EPHA3: variants seen among roughly 807,000 people sequenced by gnomAD.
The protein encoded by EPHA3 is ephrin type-A receptor 3.
In EPHA3, 42 loss-of-function variants were observed where a neutral mutation model predicts 107.1. That is an observed-to-expected ratio of 0.39 (90% CI 0.31 to 0.51). The LOEUF is 0.51. Among genes scored for constraint, EPHA3 ranks in the 20% least tolerant of loss-of-function variants. The probability of loss-of-function intolerance (pLI) is 0.78; values close to 1 mark genes in which losing one functional copy is unlikely to be tolerated. For synonymous variants in EPHA3, 461 were observed against 424.8 expected (o/e 1.09, Z -1.05); for missense variants, 1,183 against 1,211.2 (o/e 0.98, Z 0.35).
intron 2 of EPHA3, among the ~76,000 whole-genome samples, chr3:89,156,639 T>G (rs1402361131): frequency 2.0e-5 from 3 of 152,032 alleles, no homozygotes; most frequent in Non-Finnish European, 4.4e-5. Flanking sequence ...TTTTCTTTAC[T>G]TTGTGAAAAT....
At chr3:89,345,285 G>A (rs571884406) in intron 5 of EPHA3, among the ~76,000 whole-genome samples, 1 of 151,310 alleles carries the variant, frequency 6.6e-6, no homozygotes, top group South Asian at 2.1e-4. Context: ...TGATATCTGA[G>A]AAGCTTTTTC....
chr3:89,126,718 A>G (rs1704104417), intron 1 of EPHA3, among the ~76,000 whole-genome samples: 1 of 151,762 alleles, frequency 6.6e-6, no homozygotes, highest in South Asian at 2.1e-4. Flanking sequence ...ATTGCAGAAT[A>G]ATATGTTGAG....
Position 89,419,397 on chromosome 3 carries a change from A to G in EPHA3, c.2074+7A>G. The stretch of plus-strand genomic sequence containing the variant: ...GAAGGAGTTGTTACCAAAAGTAAGT[A>G]AAGTAGTCATAAGACCTGTGTTTCC... On this transcript the variant is annotated splice_region_variant and intron_variant, in intron 11 of 16. Transcript: ENST00000336596. 1 of 1,581,448 alleles carries G rather than the reference A, an allele frequency of 6.3e-7. No homozygotes were observed. The highest frequency in any genetic ancestry group is 8.6e-7 in the Non-Finnish European group (1 of 1,164,902).
chr3:89,470,109 C>A, intron 15 of EPHA3, among the ~76,000 whole-genome samples: 1 of 143,648 alleles, frequency 7.0e-6, no homozygotes, highest in African/African-American at 2.5e-5. Context: ...TATTTTATTA[C>A]AATAATGAAA....
intron 3 of EPHA3, among the ~76,000 whole-genome samples, chr3:89,261,192 T>A (rs766874988): frequency 6.6e-6 from 1 of 152,240 alleles, no homozygotes; most frequent in African/African-American, 2.4e-5. Context: ...AAAATTATTT[T>A]ATATTCTTCA....
At chr3:89,438,354 G>A (rs1411018720) in intron 13 of EPHA3, among the ~76,000 whole-genome samples, 8 of 151,804 alleles carry the variant, frequency 5.3e-5, no homozygotes, top group East Asian at 1.9e-4. Flanking sequence ...CTCGTGATCC[G>A]CCAGCCTCGG....
chr3:89,410,367 C>A (rs1256049439), intron 9 of EPHA3, among the ~76,000 whole-genome samples: 1 of 151,880 alleles, frequency 6.6e-6, no homozygotes, highest in Non-Finnish European at 1.5e-5. Flanking sequence ...ATCTAAATCA[C>A]ACAATTTCAA....
intron 2 of EPHA3, among the ~76,000 whole-genome samples, chr3:89,135,892 A>G (rs542166692): frequency 6.6e-6 from 1 of 152,200 alleles, no homozygotes; most frequent in East Asian, 1.9e-4. Flanking sequence ...TGAATAAATC[A>G]TAGACAGGAA....
intron 5 of EPHA3, among the ~76,000 whole-genome samples, chr3:89,372,269 T>C (rs1484743548): frequency 6.6e-6 from 1 of 151,628 alleles, no homozygotes. Context: ...TCACTAGTCA[T>C]GACCTAGTAT....
intron 3 of EPHA3, among the ~76,000 whole-genome samples, chr3:89,242,215 T>G (rs542124162): frequency 2.0e-4 from 30 of 152,308 alleles, no homozygotes; most frequent in African/African-American, 7.0e-4. Flanking sequence ...AGTCAAGAAC[T>G]GTAATTCTAC....
At chr3:89,122,865 T>C (rs989723168) in intron 1 of EPHA3, among the ~76,000 whole-genome samples, 14 of 152,226 alleles carry the variant, frequency 9.2e-5, no homozygotes, top group African/African-American at 2.7e-4. Flanking sequence ...GAAAAGACTA[T>C]GTAAATTATT....
At chr3:89,211,305 A>C (rs2107185174) in intron 3 of EPHA3, among the ~76,000 whole-genome samples, 1 of 152,228 alleles carries the variant, frequency 6.6e-6, no homozygotes, top group South Asian at 2.1e-4. Context: ...TATGTATATC[A>C]GCTGTGCTAT....
At chr3:89,141,255 G>T (rs1015556876) in intron 2 of EPHA3, among the ~76,000 whole-genome samples, 2 of 151,514 alleles carry the variant, frequency 1.3e-5, no homozygotes, top group Non-Finnish European at 3.0e-5. Context: ...AAATTGTTAT[G>T]AAGTCTGGGA....
intron 3 of EPHA3, among the ~76,000 whole-genome samples, chr3:89,310,632 A>C (rs1706742480): frequency 6.6e-6 from 1 of 151,906 alleles, no homozygotes; most frequent in South Asian, 2.1e-4. Flanking sequence ...GAATATAGAT[A>C]TTATATATAC....
chr3:89,212,593 A>ATT (rs10706823), intron 3 of EPHA3, among the ~76,000 whole-genome samples: 7 of 149,074 alleles, frequency 4.7e-5, no homozygotes, highest in African/African-American at 1.5e-4. Context: ...AAACATCATG[A>ATT]TTTTTTTTTT....
Position 89,481,155 on chromosome 3 carries a change from T to C in EPHA3, c.*1653T>C. 8.6e-6 allele frequency: 2 copies of C among 232,322 alleles called. No homozygotes were observed. The highest frequency in any genetic ancestry group is 1.7e-5 in the Non-Finnish European group (2 of 117,490). The allele number at this position is 232,322 out of a possible 1,614,324, so 14.4% of individuals were successfully genotyped here. On this transcript the variant is annotated 3_prime_UTR_variant, in exon 17 of 17. Coordinates refer to ENST00000336596, the MANE Select transcript of EPHA3 (RefSeq NM_005233.6). ...TAAAATAATGCTGCAAACTTAATGT[T>C]CTTATGCAAAATGGAACGCTAATGA... is the stretch of plus-strand genomic sequence containing the variant.
chr3:89,290,205 A>G (rs1048900945), intron 3 of EPHA3, among the ~76,000 whole-genome samples: 1 of 152,150 alleles, frequency 6.6e-6, no homozygotes, highest in African/African-American at 2.4e-5. Flanking sequence ...ATATAAGTGC[A>G]GATAAGCAAA....
intron 3 of EPHA3, among the ~76,000 whole-genome samples, chr3:89,262,374 G>A (rs1366843428): frequency 6.6e-6 from 1 of 152,070 alleles, no homozygotes; most frequent in Non-Finnish European, 1.5e-5. Flanking sequence ...AGGATTCTAG[G>A]GAAAATGTTT....
chr3:89,429,768 G>C (rs1244794272), intron 12 of EPHA3, among the ~76,000 whole-genome samples: 1 of 151,122 alleles, frequency 6.6e-6, no homozygotes, highest in Admixed American at 6.6e-5. Context: ...TTTTACTCTT[G>C]TTGCCCAGGC....
Sources: allele counts gnomAD v4.1 joint callset (sites outside exome capture counted in the v4.1 genomes callset), GRCh38; gene constraint gnomAD v4.1.1; transcripts MANE v1.5; gene names NCBI Gene and HGNC (gene_info 2026-07-23, HGNC 2026-07-21).